Variants in FARP1 observed in about 807,000 individuals in gnomAD.
FARP1 encodes the protein FERM, ARHGEF and pleckstrin domain-containing protein 1.
FARP1 carries 52 observed loss-of-function variants against 128.8 expected under a neutral mutation model. The ratio of observed to expected loss-of-function variants is 0.40; its 90% confidence interval spans 0.32 to 0.51. The LOEUF (loss-of-function observed/expected upper bound fraction) is 0.51, where lower values mean the gene tolerates loss of function less well. Ranked by LOEUF, FARP1 falls within the 20% of genes least tolerant of loss-of-function variation. FARP1 has a pLI of 0.45. For missense variants in FARP1, 1,333 were observed against 1,367.9 expected (o/e 0.97, Z 0.40); for synonymous variants, 580 against 551.8 (o/e 1.05, Z -0.72).
chr13:98,177,873 C>G (rs1025623778), intron 1 of FARP1: 2 of 152,152 alleles, frequency 1.3e-5, no homozygotes, highest in African/African-American at 4.8e-5. Flanking sequence ...GCTTGAAATG[C>G]GTATTTAAAA....
intron 24 of FARP1, among the ~76,000 whole-genome samples, chr13:98,442,243 G>A (rs552967471): frequency 6.6e-6 from 1 of 152,368 alleles, no homozygotes; most frequent in East Asian, 1.9e-4. Flanking sequence ...CTCAGGCCAG[G>A]ACAGGAGTTT....
At chr13:98,188,893 T>C (rs1879055459) in intron 1 of FARP1, among the ~76,000 whole-genome samples, 1 of 152,204 alleles carries the variant, frequency 6.6e-6, no homozygotes, top group African/African-American at 2.4e-5. Flanking sequence ...CCAATTGACC[T>C]TATGTGTGCT....
chr13:98,386,587 A>G (rs564710865), intron 8 of FARP1, among the ~76,000 whole-genome samples: 1 of 152,318 alleles, frequency 6.6e-6, no homozygotes, highest in East Asian at 1.9e-4. Flanking sequence ...AACCAACAGA[A>G]TGAACGTATT....
chr13:98,285,674 G>A (rs1885130910), intron 2 of FARP1, among the ~76,000 whole-genome samples: 1 of 152,060 alleles, frequency 6.6e-6, no homozygotes, highest in Admixed American at 6.5e-5. Flanking sequence ...AATCCAACAG[G>A]CAGCATTCAA....
At chr13:98,353,447 C>T (rs1435720588) in intron 3 of FARP1, among the ~76,000 whole-genome samples, 3 of 152,184 alleles carry the variant, frequency 2.0e-5, no homozygotes, top group Admixed American at 6.5e-5. Context: ...GGTGCAATCT[C>T]GGCTCACTGC....
At chr13:98,289,053 G>A (rs180907768) in intron 2 of FARP1, among the ~76,000 whole-genome samples, 7 of 150,360 alleles carry the variant, frequency 4.7e-5, no homozygotes, top group Non-Finnish European at 7.4e-5. Context: ...TTGCGATACC[G>A]TGTACTCAAA....
intron 2 of FARP1, among the ~76,000 whole-genome samples, chr13:98,274,210 A>G (rs1884524914): frequency 6.6e-6 from 1 of 152,024 alleles, no homozygotes; most frequent in Admixed American, 6.6e-5. Flanking sequence ...AAGTGAAAAG[A>G]TTTGAAAAAT....
At chr13:98,236,410 A>T (rs1882422845) in intron 2 of FARP1, among the ~76,000 whole-genome samples, 1 of 152,236 alleles carries the variant, frequency 6.6e-6, no homozygotes, top group Non-Finnish European at 1.5e-5. Context: ...TGCACGGAAA[A>T]TGCATAGACG....
intron 10 of FARP1, chr13:98,390,476 A>C (rs1043459681): frequency 4.6e-6 from 2 of 431,336 alleles, no homozygotes; most frequent in Non-Finnish European, 4.1e-6. Flanking sequence ...ATTGTCTGCC[A>C]TGTGTCAAAT....
intron 2 of FARP1, among the ~76,000 whole-genome samples, chr13:98,282,284 T>C (rs1432852639): frequency 1.3e-5 from 2 of 151,904 alleles, no homozygotes; most frequent in Non-Finnish European, 2.9e-5. Context: ...TGGGACCCTG[T>C]CTCAAAAAAG....
intron 1 of FARP1, among the ~76,000 whole-genome samples, chr13:98,204,789 G>T (rs114940962): frequency 0.022 from 3,395 of 152,168 alleles, 139 homozygotes; most frequent in African/African-American, 0.076. Flanking sequence ...GCAAGACTTT[G>T]TGCATACTAA....
intron 2 of FARP1, among the ~76,000 whole-genome samples, chr13:98,228,097 G>T (rs1391053935): frequency 6.6e-6 from 1 of 152,224 alleles, no homozygotes; most frequent in African/African-American, 2.4e-5. Flanking sequence ...GGTGGCTCAT[G>T]CCTGTAATCC....
intron 3 of FARP1, among the ~76,000 whole-genome samples, chr13:98,354,267 T>C (rs967659845): frequency 2.6e-5 from 4 of 152,264 alleles, no homozygotes; most frequent in Non-Finnish European, 5.9e-5. Flanking sequence ...TAAAGCTTTT[T>C]TGGTAAATAC....
intron 2 of FARP1, among the ~76,000 whole-genome samples, chr13:98,258,215 C>T (rs759086197): frequency 2.6e-5 from 4 of 152,168 alleles, no homozygotes; most frequent in African/African-American, 4.8e-5. Flanking sequence ...GATCCACCCG[C>T]GTCAGCCTCC....
chr13:98,377,429 T>C (rs1201057028), intron 5 of FARP1, among the ~76,000 whole-genome samples: 1 of 151,238 alleles, frequency 6.6e-6, no homozygotes, highest in Non-Finnish European at 1.5e-5. Context: ...TTGGCAATCC[T>C]CTGACTCACC....
rs1318997845 is a variant in FARP1 at position 98,298,304 on chromosome 13, A to C, written c.172-45458A>C. ...TAAATACATTGCCTTGGGATCACAC[A>C]TCTCTACGTTCATTCGTGTCGCATA... On this transcript the variant is annotated intron_variant, in intron 2 of 26. Coordinates refer to ENST00000319562, the MANE Select transcript of FARP1 (RefSeq NM_005766.4). Among the ~76,000 whole-genome samples, 3 of 152,246 alleles carry C rather than the reference A, an allele frequency of 2.0e-5. No homozygotes were observed. The East Asian group carries it at 5.8e-4, about 29-fold the overall frequency.
At chr13:98,439,024 G>A in intron 20 of FARP1, 83 bp from the exon 21 acceptor site, 1 of 1,393,628 alleles carries the variant, frequency 7.2e-7, no homozygotes, top group South Asian at 1.2e-5. Flanking sequence ...GGACAGTGAA[G>A]GCACAGTTGA....
intron 1 of FARP1, among the ~76,000 whole-genome samples, chr13:98,178,286 C>T (rs1271344706): frequency 1.3e-5 from 2 of 150,804 alleles, no homozygotes; most frequent in African/African-American, 4.9e-5. Context: ...ACCTCTGCCT[C>T]CCGGGTTCAA....
At position 98,453,126 on chromosome 13, in the gene FARP1, T is replaced by A; in HGVS notation, c.*4809T>A. On this transcript the variant is annotated 3_prime_UTR_variant, in exon 27 of 27. Transcript: ENST00000319562. ...GTTGACTTTTAAAAAAGGAGGAGGA[T>A]GAAGAAGGAAAAAAGGAAAAACAAA... 1.2e-6 allele frequency: 2 copies of A among 1,606,308 alleles called. No homozygotes were observed. Among genetic ancestry groups the A allele is most frequent in the South Asian group, 2.2e-5 (2 of 90,632 alleles).
Sources: gnomAD v4.1 joint callset for allele counts (sites outside exome capture counted in the v4.1 genomes callset) on GRCh38, gnomAD v4.1.1 for gene constraint, MANE v1.5 for transcripts, NCBI Gene and HGNC (gene_info 2026-07-23, HGNC 2026-07-21) for gene names.